Variants in CDH18 observed in about 807,000 individuals in gnomAD.
CDH18 encodes cadherin 18, also known as cadherin-18.
In CDH18, 31 loss-of-function variants were observed where a neutral mutation model predicts 67.9. The observed-to-expected ratio is 0.46, with a 90% confidence interval of 0.34 to 0.62. CDH18 has a LOEUF of 0.62. Ranked by LOEUF, CDH18 falls within the 20% of genes least tolerant of loss-of-function variation. The pLI is 0.01. For missense variants in CDH18, 890 were observed against 975.5 expected (o/e 0.91, Z 1.17); for synonymous variants, 362 against 347.2 (o/e 1.04, Z -0.48).
intron 5 of CDH18, among the ~76,000 whole-genome samples, chr5:19,678,847 T>C (rs1759862764): frequency 6.6e-6 from 1 of 151,916 alleles, no homozygotes; most frequent in Non-Finnish European, 1.5e-5. Context: ...ACCAGATGGA[T>C]TCACAGCGAG....
chr5:20,572,125 A>C (rs960353874), intron 1 of CDH18, among the ~76,000 whole-genome samples: 1 of 152,164 alleles, frequency 6.6e-6, no homozygotes, highest in Non-Finnish European at 1.5e-5. Context: ...TAATGTCAGC[A>C]TACAATATTT....
At chr5:20,506,456 C>G (rs1460525352) in intron 1 of CDH18, among the ~76,000 whole-genome samples, 1 of 152,212 alleles carries the variant, frequency 6.6e-6, no homozygotes, top group Non-Finnish European at 1.5e-5. Flanking sequence ...GAGCAGAAAG[C>G]ATCCTTCAGC....
intron 2 of CDH18, among the ~76,000 whole-genome samples, chr5:20,144,674 A>C (rs575593559): frequency 1.3e-5 from 2 of 152,270 alleles, no homozygotes; most frequent in South Asian, 4.1e-4. Flanking sequence ...GGGGGGAGTC[A>C]AAAGAGATTA....
chr5:20,448,965 A>G (rs1228622418), intron 1 of CDH18, among the ~76,000 whole-genome samples: 1 of 151,852 alleles, frequency 6.6e-6, no homozygotes, highest in Non-Finnish European at 1.5e-5. Context: ...CATGTGAAAA[A>G]GGCCAACTAG....
chr5:20,495,640 A>G lies in CDH18; in HGVS notation c.-580+79822T>C, dbSNP rs561454050. On this transcript the variant is annotated intron_variant, in intron 1 of 14. Transcript: ENST00000507958. ...GGAAATGTCACAGGAAAAACATACAACCAGGAAACAAGAAAGAGTTTATAC... is the reference window on the plus strand; with the variant it reads ...GGAAATGTCACAGGAAAAACATACAGCCAGGAAACAAGAAAGAGTTTATAC... 5.9e-5 allele frequency among the ~76,000 whole-genome samples: 9 copies of G among 152,272 alleles called. No individual in the cohort carries two copies. In the South Asian group the frequency reaches 1.9e-3, roughly 32 times the overall value.
intron 5 of CDH18, among the ~76,000 whole-genome samples, chr5:19,650,861 A>T (rs745416214): frequency 1.2e-4 from 19 of 152,068 alleles, no homozygotes; most frequent in Non-Finnish European, 2.6e-4. Context: ...ATTACAATGC[A>T]TTAAATTCTC....
intron 3 of CDH18, among the ~76,000 whole-genome samples, chr5:19,814,711 T>C (rs72740836): frequency 0.088 from 13,370 of 151,980 alleles, 602 homozygotes; most frequent in African/African-American, 0.11. Context: ...TTTTCATTTT[T>C]TATTCTGATA....
Position 20,007,672 on chromosome 5 carries a change from AGTGTGTGTGT to A in CDH18, c.-517-15668_-517-15659del, listed in dbSNP as rs145213048. On this transcript the variant is annotated intron_variant, in intron 2 of 14. Transcript: ENST00000507958. Reference sequence around the variant, plus strand: ...ATAGTTTGAAGTGCAGTGTGTGGAAAGTGTGTGTGTGTGTGTGTGTGTGTGTGTGTGTGTG... The same window carrying A: ...ATAGTTTGAAGTGCAGTGTGTGGAAAGTGTGTGTGTGTGTGTGTGTGTGTG... Among the ~76,000 whole-genome samples the A allele has an allele frequency of 0.016, 2,229 of 140,226 alleles. 146 individuals are homozygous for A. The East Asian group carries it at 0.24, about 15-fold the overall frequency. 92.0% of individuals were successfully genotyped at this position (140,226 alleles called of 152,430 possible). A position where few individuals can be genotyped will look rare whatever the true frequency, so the allele number is the denominator to read the frequency against.
chr5:20,428,214 T>G (rs140936816), intron 1 of CDH18, among the ~76,000 whole-genome samples: 1 of 150,892 alleles, frequency 6.6e-6, no homozygotes, highest in African/African-American at 2.5e-5. Context: ...TCTGTTCCTG[T>G]GTTAGCTTGC....
At chr5:20,192,764 T>G (rs1489997514) in intron 2 of CDH18, among the ~76,000 whole-genome samples, 1 of 152,168 alleles carries the variant, frequency 6.6e-6, no homozygotes, top group Non-Finnish European at 1.5e-5. Flanking sequence ...CCTTGTAGTA[T>G]AATTTGAGGT....
chr5:19,667,951 A>T (rs879446918), intron 5 of CDH18, among the ~76,000 whole-genome samples: 23 of 151,950 alleles, frequency 1.5e-4, no homozygotes, highest in Non-Finnish European at 2.5e-4. Flanking sequence ...CTGCCCGATA[A>T]AAAATAAGTT....
intron 1 of CDH18, among the ~76,000 whole-genome samples, chr5:20,276,347 C>T (rs1184044694): frequency 6.6e-6 from 1 of 152,160 alleles, no homozygotes; most frequent in African/African-American, 2.4e-5. Context: ...GATACCAGCT[C>T]AGCCATAGTT....
At chr5:20,271,924 C>CAGAG (rs201955881) in intron 1 of CDH18, among the ~76,000 whole-genome samples, 8,668 of 146,588 alleles carry the variant, frequency 0.059, 618 homozygotes, top group African/African-American at 0.17. Context: ...TGTAGAGAGG[C>CAGAG]AGAGAGAGAG....
intron 2 of CDH18, among the ~76,000 whole-genome samples, chr5:20,129,384 T>C (rs1749084634): frequency 6.6e-6 from 1 of 152,080 alleles, no homozygotes; most frequent in South Asian, 2.1e-4. Context: ...TTGCTTTTTA[T>C]CTAAACTTAC....
At chr5:20,494,418 A>G (rs577911614) in intron 1 of CDH18, among the ~76,000 whole-genome samples, 17 of 152,292 alleles carry the variant, frequency 1.1e-4, no homozygotes, top group African/African-American at 3.8e-4. Flanking sequence ...AAGTAGATAA[A>G]AAATGTGGGA....
At chr5:19,897,380 A>T (rs1190786636) in intron 2 of CDH18, among the ~76,000 whole-genome samples, 1 of 152,170 alleles carries the variant, frequency 6.6e-6, no homozygotes, top group Non-Finnish European at 1.5e-5. Context: ...AGGTGATACC[A>T]CTATATACTC....
intron 7 of CDH18, among the ~76,000 whole-genome samples, chr5:19,581,404 C>A (rs1024801931): frequency 1.5e-4 from 23 of 152,016 alleles, no homozygotes; most frequent in East Asian, 1.2e-3. Context: ...ATATTCAGGA[C>A]TTTTTAATTG....
intron 1 of CDH18, among the ~76,000 whole-genome samples, chr5:20,440,900 G>A (rs1749556907): frequency 6.6e-6 from 1 of 151,884 alleles, no homozygotes; most frequent in African/African-American, 2.4e-5. Flanking sequence ...AGTAAGAGCA[G>A]GAAAAATATA....
intron 1 of CDH18, among the ~76,000 whole-genome samples, chr5:20,431,057 A>T (rs1748694727): frequency 6.6e-6 from 1 of 152,200 alleles, no homozygotes; most frequent in Admixed American, 6.5e-5. Context: ...ATGCATTTTA[A>T]AATCTATTTT....
Sources: gnomAD v4.1 joint callset for allele counts (sites outside exome capture counted in the v4.1 genomes callset) on GRCh38, gnomAD v4.1.1 for gene constraint, MANE v1.5 for transcripts, NCBI Gene and HGNC (gene_info 2026-07-23, HGNC 2026-07-21) for gene names.